ITFG1: variants seen among roughly 807,000 people sequenced by gnomAD.
The protein encoded by ITFG1 is integrin alpha FG-GAP repeat containing 1.
In ITFG1, 34 loss-of-function variants were observed where a neutral mutation model predicts 81.8. The observed-to-expected ratio is 0.42, with a 90% CI of 0.32 to 0.55. The LOEUF is 0.55. Ranked by LOEUF, ITFG1 falls within the 20% of genes least tolerant of loss-of-function variation. ITFG1 has a pLI of 0.17. For missense variants in ITFG1, 672 were observed against 755.4 expected (o/e 0.89, Z 1.29); for synonymous variants, 285 against 270.6 (o/e 1.05, Z -0.52).
chr16:47,313,376 A>G (rs1967298441), intron 9 of ITFG1, among the ~76,000 whole-genome samples: 1 of 152,210 alleles, frequency 6.6e-6, no homozygotes, highest in South Asian at 2.1e-4. Flanking sequence ...ATAGGTTTAA[A>G]TAACACAAAT....
At chr16:47,227,285 A>G (rs1596820063) in intron 13 of ITFG1, among the ~76,000 whole-genome samples, 1 of 152,238 alleles carries the variant, frequency 6.6e-6, no homozygotes, top group East Asian at 1.9e-4. Context: ...CTTCTATACA[A>G]TAAAGGTACA....
chr16:47,324,715 C>A (rs1422796304), intron 8 of ITFG1, among the ~76,000 whole-genome samples: 1 of 152,000 alleles, frequency 6.6e-6, no homozygotes, highest in Non-Finnish European at 1.5e-5. Context: ...TTTAAACCAA[C>A]AAAGATCAAA....
intron 12 of ITFG1, among the ~76,000 whole-genome samples, chr16:47,239,894 T>C (rs1965914311): frequency 6.6e-6 from 1 of 152,196 alleles, no homozygotes. Context: ...TGCACACATA[T>C]GTCTTTGCAC....
At chr16:47,285,777 G>C (rs565401484) in intron 10 of ITFG1, among the ~76,000 whole-genome samples, 2 of 152,280 alleles carry the variant, frequency 1.3e-5, no homozygotes, top group South Asian at 4.1e-4. Flanking sequence ...TATTACATAA[G>C]AGCTGTAGAA....
intron 5 of ITFG1, among the ~76,000 whole-genome samples, chr16:47,444,839 T>C (rs1362045252): frequency 6.6e-6 from 1 of 152,196 alleles, no homozygotes; most frequent in African/African-American, 2.4e-5. Flanking sequence ...TAATGATCTG[T>C]CCTGGGATAC....
intron 6 of ITFG1, among the ~76,000 whole-genome samples, chr16:47,403,334 T>C (rs976525617): frequency 3.9e-5 from 6 of 152,030 alleles, no homozygotes; most frequent in African/African-American, 1.4e-4. Flanking sequence ...CACTGTATTA[T>C]ATTATAATTG....
chr16:47,452,910 T>C (rs1969407491), intron 3 of ITFG1, 120 bp from the exon 4 acceptor site: 1 of 544,628 alleles, frequency 1.8e-6, no homozygotes, highest in Non-Finnish European at 3.2e-6. Flanking sequence ...TTATTCCAAC[T>C]ATTATCATTA....
At chr16:47,308,069 C>T (rs986117014) in intron 10 of ITFG1, among the ~76,000 whole-genome samples, 1 of 152,170 alleles carries the variant, frequency 6.6e-6, no homozygotes, top group African/African-American at 2.4e-5. Flanking sequence ...TACATTGATT[C>T]CATATCTCTG....
At chr16:47,260,233 G>A (rs970405228) in intron 11 of ITFG1, among the ~76,000 whole-genome samples, 42 of 152,040 alleles carry the variant, frequency 2.8e-4, no homozygotes, top group Admixed American at 2.0e-3. Flanking sequence ...CACCGCGCCC[G>A]GCCTGTTGGC....
At chr16:47,276,229 T>C (rs1216169074) in intron 10 of ITFG1, among the ~76,000 whole-genome samples, 1 of 151,924 alleles carries the variant, frequency 6.6e-6, no homozygotes. Context: ...CCAAAATCAA[T>C]AGCCTCCTTA....
In ITFG1 at chr16:47,244,591, T is replaced by TTG. The variant is rs57470225; in HGVS notation, c.1331-6585_1331-6584dup. Among the ~76,000 whole-genome samples the TTG allele has an allele frequency of 2.2e-3, 257 of 118,214 alleles. 1 individual carries two copies. Among genetic ancestry groups the TTG allele is most frequent in the African/African-American group, 6.7e-3 (206 of 30,718 alleles). 77.6% of individuals were successfully genotyped at this position (118,214 alleles called of 152,430 possible). ...GCATAATTGCATGGTATTCCATCTT[T>TTG]TGTGTGTGTGTGTGTGTGTGTGTGT... On this transcript the variant is annotated intron_variant, in intron 12 of 17. Transcript: ENST00000320640.
chr16:47,190,444 T>C (rs548824415), intron 14 of ITFG1, among the ~76,000 whole-genome samples: 3 of 152,322 alleles, frequency 2.0e-5, no homozygotes, highest in South Asian at 2.1e-4. Context: ...TAGCTGTCAA[T>C]AGACATAAAA....
At chr16:47,273,577 T>G (rs1418106572) in intron 10 of ITFG1, among the ~76,000 whole-genome samples, 2 of 152,146 alleles carry the variant, frequency 1.3e-5, no homozygotes, top group Non-Finnish European at 2.9e-5. Flanking sequence ...CCCCAGTCAG[T>G]GTCTAGGATA....
intron 14 of ITFG1, among the ~76,000 whole-genome samples, chr16:47,162,969 G>A (rs1332166067): frequency 2.6e-5 from 4 of 151,964 alleles, no homozygotes; most frequent in Admixed American, 6.6e-5. Context: ...CACCAGGCTC[G>A]GCTAATTTTT....
chr16:47,365,611 T>G, intron 8 of ITFG1, 177 bp downstream of exon 8: 2 of 464,426 alleles, frequency 4.3e-6, no homozygotes, highest in Non-Finnish European at 7.7e-6. Context: ...CTTATTTCAT[T>G]AAGGAATTGA....
chr16:47,288,302 C>T (rs989800814), intron 10 of ITFG1, among the ~76,000 whole-genome samples: 6 of 152,128 alleles, frequency 3.9e-5, no homozygotes, highest in African/African-American at 1.4e-4. Flanking sequence ...TAAATATTTT[C>T]CACTGTGTTT....
At chr16:47,413,077 C>G (rs1366276459) in intron 6 of ITFG1, among the ~76,000 whole-genome samples, 1 of 152,092 alleles carries the variant, frequency 6.6e-6, no homozygotes, top group Non-Finnish European at 1.5e-5. Flanking sequence ...ATCAGAATCT[C>G]CAAGGCCAAC....
intron 8 of ITFG1, among the ~76,000 whole-genome samples, chr16:47,328,999 A>G (rs1967601437): frequency 6.6e-6 from 1 of 152,184 alleles, no homozygotes; most frequent in Non-Finnish European, 1.5e-5. Context: ...GCCTAAGACC[A>G]AAAGAACAGA....
intron 14 of ITFG1, among the ~76,000 whole-genome samples, chr16:47,181,466 C>T (rs1965118057): frequency 6.8e-6 from 1 of 147,052 alleles, no homozygotes; most frequent in Non-Finnish European, 1.5e-5. Context: ...GGGTCAGCCC[C>T]CCCGCCCGGC....
Sources: allele counts gnomAD v4.1 joint callset (sites outside exome capture counted in the v4.1 genomes callset), GRCh38; gene constraint gnomAD v4.1.1; transcripts MANE v1.5; gene names NCBI Gene and HGNC (gene_info 2026-07-23, HGNC 2026-07-21).